UGT2B7: variants seen among roughly 807,000 people sequenced by gnomAD.
The protein encoded by UGT2B7 is UDP-glucuronosyltransferase 2B7.
Under a neutral mutation model 51.9 loss-of-function variants are expected in UGT2B7, and 51 were observed. The observed-to-expected ratio is 0.98, with a 90% CI of 0.78 to 1.24. UGT2B7 has a LOEUF of 1.24. Ranked by LOEUF, UGT2B7 falls within the 50% of genes most tolerant of loss-of-function variation. The pLI is 0.00. For missense variants in UGT2B7, 727 were observed against 628.4 expected (o/e 1.16, Z -1.68); for synonymous variants, 225 against 211.6 (o/e 1.06, Z -0.55).
chr4:69,107,326 A>C (rs4337789), intron 4 of UGT2B7, 64 bp downstream of exon 4: 8 of 1,457,738 alleles, frequency 5.5e-6, no homozygotes, highest in African/African-American at 1.5e-5. Context: ...TTAATAGTTC[A>C]TCATGAAACA....
upstream of UGT2B7, among the ~76,000 whole-genome samples, chr4:69,096,290 T>C (rs1015516672): frequency 6.6e-6 from 1 of 152,152 alleles, no homozygotes; most frequent in Non-Finnish European, 1.5e-5. Context: ...AGCTGAAGGA[T>C]AGCACTCATA....
chr4:69,074,747 T>C (rs1718667603), intron 1 of UGT2B7, among the ~76,000 whole-genome samples: 1 of 152,180 alleles, frequency 6.6e-6, no homozygotes, highest in African/African-American at 2.4e-5. Flanking sequence ...CAAGGTACTA[T>C]GTCTCATTTG....
chr4:69,077,233 CT>C (rs1162900599), intron 1 of UGT2B7, among the ~76,000 whole-genome samples: 53 of 151,898 alleles, frequency 3.5e-4, no homozygotes, highest in Admixed American at 3.5e-3. Flanking sequence ...CAGCTTTGGT[CT>C]TTTTGCTTAG....
At chr4:69,069,600 G>C (rs1237956493) in intron 1 of UGT2B7, 2 of 151,476 alleles carry the variant, frequency 1.3e-5, no homozygotes, top group Admixed American at 1.3e-4. Flanking sequence ...ATCTTTTCTG[G>C]TTCATTATAT....
intron 3 of UGT2B7, among the ~76,000 whole-genome samples, chr4:69,106,522 T>A (rs1399398590): frequency 6.6e-6 from 1 of 152,200 alleles, no homozygotes; most frequent in Non-Finnish European, 1.5e-5. Flanking sequence ...TTAGGTTGAT[T>A]CCATGTCGTT....
At chr4:69,064,175 T>G (rs1284042728) in intron 1 of UGT2B7, among the ~76,000 whole-genome samples, 1 of 151,976 alleles carries the variant, frequency 6.6e-6, no homozygotes, top group Non-Finnish European at 1.5e-5. Context: ...TTTCCTGTAT[T>G]AGGCTAACTT....
In UGT2B7 at chr4:69,108,286, T is replaced by C. The variant is rs141309270; in HGVS notation, c.1274T>C (p.Leu425Ser). ...VDFNTMSSTD[L>S]LNALKRVIND... ...TTCAACACAATGTCGAGTACAGACTTGCTGAATGCATTGAAGAGAGTAATT... is the reference window on the plus strand; with the variant it reads ...TTCAACACAATGTCGAGTACAGACTCGCTGAATGCATTGAAGAGAGTAATT... The change falls in exon 5 of 6, where the codon TTG (leucine) becomes TCG (serine). Residue 425 changes from leucine (L) to serine (S), a missense_variant. By Grantham distance (145) the Leu-to-Ser change is moderately radical. Transcript: ENST00000305231. 2.5e-5 allele frequency: 41 copies of C among 1,613,490 alleles called. No individual in the cohort carries two copies. Among genetic ancestry groups the C allele is most frequent in the Non-Finnish European group, 3.2e-5 (38 of 1,179,612 alleles).
chr4:69,084,330 T>TTCTCTCTCTCTCTCTCTCTC (rs71204073), intron 1 of UGT2B7, among the ~76,000 whole-genome samples: 52,505 of 147,856 alleles, frequency 0.36, 10,511 homozygotes, highest in Non-Finnish European at 0.48. Flanking sequence ...TCTATAAATT[T>TTCTCTCTCTCTCTCTCTCTC]TCTCTCTCTC....
In UGT2B7 at chr4:69,096,801, T is replaced by G. The variant is rs373751680; in HGVS notation, c.281T>G (p.Ile94Ser). The G allele has an allele frequency of 5.1e-5, 82 of 1,613,832 alleles. No individual in the cohort carries two copies. Among genetic ancestry groups the G allele is most frequent in the Non-Finnish European group, 6.3e-5 (74 of 1,179,904 alleles). ...TELENFIMQQ[I>S]KRWSDLPKDT... ...TTGGAGAATTTCATCATGCAACAGA[T>G]TAAGAGATGGTCAGACCTTCCAAAA... is the stretch of plus-strand genomic sequence containing the variant. The change falls in exon 1 of 6, where the codon ATT (isoleucine) becomes AGT (serine). Residue 94 changes from isoleucine (I) to serine (S), a missense_variant. By Grantham distance (142) the Ile-to-Ser change is moderately radical. Transcript: ENST00000305231.
Position 69,098,532 on chromosome 4 carries a change from C to A in UGT2B7, c.722-8C>A, listed in dbSNP as rs779656702. ...GTCATCCACCTTTTTTTTTTCTATT[C>A]CTGTCAGGAAGACCCACTACATTAT... On this transcript the variant is annotated splice_polypyrimidine_tract_variant and splice_region_variant and intron_variant, in intron 1 of 5. Transcript: ENST00000305231. The A allele has an allele frequency of 7.1e-6, 11 of 1,558,790 alleles. No individual in the cohort carries two copies. The highest frequency in any genetic ancestry group is 8.6e-6 in the Non-Finnish European group (10 of 1,161,854).
chr4:69,095,448 C>T (rs144889068), upstream of UGT2B7, among the ~76,000 whole-genome samples: 924 of 152,220 alleles, frequency 6.1e-3, 36 homozygotes, highest in Admixed American at 0.053. Context: ...TCAGACCAGC[C>T]GAGTCAGTAG....
intron 1 of UGT2B7, among the ~76,000 whole-genome samples, chr4:69,076,150 G>T (rs940636350): frequency 1.4e-4 from 22 of 152,254 alleles, no homozygotes; most frequent in Non-Finnish European, 2.5e-4. Flanking sequence ...TGATATATAT[G>T]TGCCACATTT....
intron 4 of UGT2B7, 68 bp downstream of exon 4, chr4:69,107,330 T>G: frequency 1.4e-6 from 2 of 1,444,600 alleles, no homozygotes; most frequent in Non-Finnish European, 1.9e-6. Context: ...TAGTTCATCA[T>G]GAAACAAGCT....
At chr4:69,068,208 AT>A (rs891418957) in intron 1 of UGT2B7, among the ~76,000 whole-genome samples, 4 of 152,004 alleles carry the variant, frequency 2.6e-5, no homozygotes, top group Non-Finnish European at 4.4e-5. Flanking sequence ...TCTAATTCCC[AT>A]TATATTTAAT....
intron 1 of UGT2B7, among the ~76,000 whole-genome samples, chr4:69,053,107 A>G (rs1718082490): frequency 6.6e-6 from 1 of 152,152 alleles, no homozygotes; most frequent in Non-Finnish European, 1.5e-5. Context: ...AAAAGGTTAA[A>G]AAGAGTCTAT....
At chr4:69,093,944 A>G (rs1406024481), upstream of UGT2B7, among the ~76,000 whole-genome samples, 1 of 152,158 alleles carries the variant, frequency 6.6e-6, no homozygotes, top group Admixed American at 6.5e-5. Flanking sequence ...AGAGCCATGC[A>G]TATTACCTAC....
At position 69,096,957 on chromosome 4, in the gene UGT2B7, A is replaced by G; in HGVS notation, c.437A>G (p.Asp146Gly). The G allele has an allele frequency of 6.2e-7, 1 of 1,613,574 alleles. No homozygotes were observed. Among genetic ancestry groups the G allele is most frequent in the South Asian group, 1.1e-5 (1 of 90,960 alleles). The change falls in exon 1 of 6, where the codon GAC (aspartate) becomes GGC (glycine). Residue 146 changes from aspartate (D) to glycine (G), a missense_variant. Coordinates refer to ENST00000305231, the MANE Select transcript of UGT2B7 (RefSeq NM_001074.4). ...AAAAAAGTACAAGAGTCAAGATTTG[A>G]CGTCATTTTTGCAGATGCTATTTTT... ...FMKKVQESRF[D>G]VIFADAIFPC... is the part of the protein sequence containing the mutation.
intron 1 of UGT2B7, among the ~76,000 whole-genome samples, chr4:69,098,149 T>C (rs1424614503): frequency 4.6e-5 from 7 of 152,048 alleles, no homozygotes; most frequent in Non-Finnish European, 7.4e-5. Flanking sequence ...ATTATTTTTA[T>C]GGGTAGAGTA....
chr4:69,077,580 C>CT (rs150317473), intron 1 of UGT2B7, among the ~76,000 whole-genome samples: 7,439 of 150,272 alleles, frequency 0.05, 634 homozygotes, highest in African/African-American at 0.17. Flanking sequence ...ATTTGGCTCT[C>CT]TTTTTTTTTA....
Sources: allele counts gnomAD v4.1 joint callset (sites outside exome capture counted in the v4.1 genomes callset), GRCh38; gene constraint gnomAD v4.1.1; transcripts MANE v1.5; gene names NCBI Gene and HGNC (gene_info 2026-07-23, HGNC 2026-07-21).